FRAS1: variants seen among roughly 807,000 people sequenced by gnomAD.
FRAS1 encodes Fraser extracellular matrix complex subunit 1.
Under a neutral mutation model 435.2 loss-of-function variants are expected in FRAS1, and 290 were observed. The ratio of observed to expected loss-of-function variants is 0.67; its 90% CI spans 0.61 to 0.73. The LOEUF (loss-of-function observed/expected upper bound fraction) is 0.73, where lower values mean the gene tolerates loss of function less well. Ranked by LOEUF, FRAS1 falls within the 30% of genes least tolerant of loss-of-function variation. FRAS1 has a pLI of 0.00. For synonymous variants in FRAS1, 1,800 were observed against 1,851.0 expected, an observed-to-expected ratio of 0.97 and a Z score of 0.71; for missense variants, 4,860 against 5,001.5, an observed-to-expected ratio of 0.97 and a Z score of 0.85.
rs191707201 is a variant in FRAS1 at position 78,470,794 on chromosome 4, C to T, written c.7371+703C>T. Among the ~76,000 whole-genome samples the T allele has an allele frequency of 2.5e-4, 38 of 152,150 alleles. 1 individual carries two copies. Among genetic ancestry groups the T allele is most frequent in the African/African-American group, 8.4e-4 (35 of 41,534 alleles). ...AGCCTAGAACCAATCCCCGTAGATA[C>T]TGAGGGACAACTGTACCAGCATATG... On this transcript the variant is annotated intron_variant, in intron 51 of 73. Coordinates refer to ENST00000512123, the MANE Select transcript of FRAS1 (RefSeq NM_025074.7).
chr4:78,518,420 G>GTA (rs1282959069), intron 66 of FRAS1, among the ~76,000 whole-genome samples: 1 of 65,710 alleles, frequency 1.5e-5, no homozygotes, highest in African/African-American at 7.1e-5. Context: ...TTTTTTTGTT[G>GTA]TGTATATATA....
intron 55 of FRAS1, 23 bp downstream of exon 55, chr4:78,478,084 A>G: frequency 1.9e-6 from 3 of 1,543,154 alleles, no homozygotes; most frequent in African/African-American, 1.4e-5. Context: ...CACAGGTGAC[A>G]AAGAGCTATA....
chr4:78,508,191 G>C (rs1210786885), intron 62 of FRAS1, among the ~76,000 whole-genome samples: 1 of 152,168 alleles, frequency 6.6e-6, no homozygotes, highest in East Asian at 1.9e-4. Context: ...AAAACACCTA[G>C]AGGTTGCCAA....
chr4:78,231,035 AC>A (rs1724498261), intron 2 of FRAS1, among the ~76,000 whole-genome samples: 1 of 151,920 alleles, frequency 6.6e-6, no homozygotes, highest in Non-Finnish European at 1.5e-5. Flanking sequence ...GCTCACTGCA[AC>A]CTCCGCCTCC....
At chr4:78,111,990 A>T (rs1411823624) in intron 2 of FRAS1, among the ~76,000 whole-genome samples, 2 of 152,154 alleles carry the variant, frequency 1.3e-5, no homozygotes, top group Admixed American at 6.6e-5. Context: ...TGTATGTTTT[A>T]AAAAATCCAG....
intron 1 of FRAS1, 29 bp downstream of exon 1, chr4:78,058,114 G>T (rs754057254): frequency 6.3e-7 from 1 of 1,577,582 alleles, no homozygotes; most frequent in Admixed American, 1.7e-5. Context: ...GTGTGTGTGT[G>T]TGTGTGCGTG....
chr4:78,427,280 T>C (rs892023930), intron 35 of FRAS1, among the ~76,000 whole-genome samples: 1 of 152,136 alleles, frequency 6.6e-6, no homozygotes, highest in African/African-American at 2.4e-5. Context: ...CTCATGACTC[T>C]TCACAGAGTC....
At chr4:78,292,618 C>T (rs1727947629) in intron 14 of FRAS1, among the ~76,000 whole-genome samples, 1 of 152,106 alleles carries the variant, frequency 6.6e-6, no homozygotes, top group African/African-American at 2.4e-5. Context: ...ATGACTTATC[C>T]CAGCCTGGCT....
chr4:78,479,995 TA>T (rs1383600249), intron 56 of FRAS1, among the ~76,000 whole-genome samples: 1 of 152,226 alleles, frequency 6.6e-6, no homozygotes, highest in Non-Finnish European at 1.5e-5. Flanking sequence ...TATATTTTGA[TA>T]CAGGCATGTA....
chr4:78,249,066 T>TATATATATATGC (rs1553934037), intron 4 of FRAS1, among the ~76,000 whole-genome samples: 1 of 97,328 alleles, frequency 1.0e-5, no homozygotes, highest in African/African-American at 3.6e-5. Flanking sequence ...TATATATGCA[T>TATATATATATGC]ATATATATAT....
At chr4:78,437,377 A>G (rs1734471039) in intron 38 of FRAS1, among the ~76,000 whole-genome samples, 1 of 152,228 alleles carries the variant, frequency 6.6e-6, no homozygotes, top group South Asian at 2.1e-4. Context: ...AGTCTTTTGG[A>G]GTCTATATGT....
chr4:78,478,242 A>G (rs1293012144), intron 55 of FRAS1, among the ~76,000 whole-genome samples, 181 bp downstream of exon 55: 1 of 152,258 alleles, frequency 6.6e-6, no homozygotes, highest in Admixed American at 6.5e-5. Flanking sequence ...GACTACCATC[A>G]GAAAGCCTCT....
At chr4:78,441,104 T>C in intron 40 of FRAS1, 58 bp from the exon 41 acceptor site, 1 of 1,590,224 alleles carries the variant, frequency 6.3e-7, no homozygotes, top group African/African-American at 1.4e-5. Flanking sequence ...ATCCAGCTCT[T>C]TTTTTACTGT....
chr4:78,315,496 T>G, intron 15 of FRAS1, 98 bp from the exon 16 acceptor site: 157 of 1,230,922 alleles, frequency 1.3e-4, no homozygotes, highest in Non-Finnish European at 1.6e-4. Context: ...AATGAGATTA[T>G]GATATTGATA....
intron 61 of FRAS1, among the ~76,000 whole-genome samples, chr4:78,500,147 T>C (rs1337033379): frequency 1.3e-5 from 2 of 152,204 alleles, no homozygotes; most frequent in Non-Finnish European, 2.9e-5. Context: ...CTGGGCATTT[T>C]GGTTCATTTA....
chr4:78,285,797 G>A (rs1727561252), intron 13 of FRAS1, among the ~76,000 whole-genome samples: 1 of 152,114 alleles, frequency 6.6e-6, no homozygotes, highest in African/African-American at 2.4e-5. Context: ...GTGGTTATAA[G>A]GATCAAGTGT....
At chr4:78,408,067 C>T (rs1482462681) in intron 31 of FRAS1, among the ~76,000 whole-genome samples, 1 of 152,130 alleles carries the variant, frequency 6.6e-6, no homozygotes, top group Non-Finnish European at 1.5e-5. Context: ...AGAGGCCTCA[C>T]AATCACAGTG....
intron 70 of FRAS1, among the ~76,000 whole-genome samples, chr4:78,528,109 C>CT (rs1211816598): frequency 3.3e-5 from 5 of 152,064 alleles, no homozygotes; most frequent in Non-Finnish European, 7.4e-5. Flanking sequence ...ATGAAAAGCC[C>CT]TACATTTGCT....
intron 30 of FRAS1, among the ~76,000 whole-genome samples, chr4:78,402,678 C>T (rs562193628): frequency 6.6e-6 from 1 of 151,426 alleles, no homozygotes; most frequent in Non-Finnish European, 1.5e-5. Flanking sequence ...AATCAATTCA[C>T]AGGCCTTATT....
Sources: allele counts gnomAD v4.1 joint callset (sites outside exome capture counted in the v4.1 genomes callset), GRCh38; gene constraint gnomAD v4.1.1; transcripts MANE v1.5; gene names NCBI Gene and HGNC (gene_info 2026-07-23, HGNC 2026-07-21).